Variants in BRAF observed in about 807,000 individuals in gnomAD.
The protein encoded by BRAF is serine/threonine-protein kinase B-raf.
Under a neutral mutation model 104.6 loss-of-function variants are expected in BRAF, and 16 were observed. The ratio of observed to expected loss-of-function variants is 0.15; its 90% CI spans 0.10 to 0.23. The LOEUF (loss-of-function observed/expected upper bound fraction) is 0.23. BRAF is among the 10% of genes least tolerant of loss of function. BRAF has a pLI of 1.00. For synonymous variants in BRAF, 310 were observed against 341.6 expected (o/e 0.91, Z 1.02); for missense variants, 541 against 937.3 (o/e 0.58, Z 5.52).
chr7:140,851,555 T>A (rs1245807004), intron 1 of BRAF, among the ~76,000 whole-genome samples: 1 of 152,226 alleles, frequency 6.6e-6, no homozygotes, highest in African/African-American at 2.4e-5. Context: ...TCTGAACTGC[T>A]TTTCAGAGTA....
intron 2 of BRAF, chr7:140,836,347 T>C (rs1294307999): frequency 6.6e-6 from 1 of 152,074 alleles, no homozygotes; most frequent in East Asian, 1.9e-4. Flanking sequence ...AGAGAGTATA[T>C]ACGCCATGCT....
intron 1 of BRAF, chr7:140,884,242 G>A (rs576072551): frequency 1.8e-4 from 27 of 151,642 alleles, no homozygotes; most frequent in East Asian, 5.8e-4. Flanking sequence ...CAACACACTC[G>A]TTATATAAAA....
chr7:140,719,915 TGA>T lies in BRAF; in HGVS notation c.*6577_*6578del. On this transcript the variant is annotated 3_prime_UTR_variant, in exon 20 of 20. Transcript: ENST00000644969. ...GTAACAGAAAAGAGGAATGTGTGTG[TGA>T]GTCGCCATAAGGTTTGGAGTGGTGA... 1.9e-6 allele frequency: 2 copies of T among 1,062,360 alleles called. No homozygotes were observed. Among genetic ancestry groups the T allele is most frequent in the Non-Finnish European group, 2.3e-6 (2 of 877,448 alleles). The allele number at this position is 1,062,360 out of a possible 1,614,324, so 65.8% of individuals were successfully genotyped here. A position where few individuals can be genotyped will look rare whatever the true frequency, so the allele number is the denominator to read the frequency against.
At chr7:140,877,683 T>C (rs1164308240) in intron 1 of BRAF, among the ~76,000 whole-genome samples, 1 of 152,084 alleles carries the variant, frequency 6.6e-6, no homozygotes, top group Admixed American at 6.5e-5. Context: ...CAGACTCCCC[T>C]ACACACAGAC....
rs777095615 is a variant in BRAF, at chr7:140,724,310, C to T, written c.*2184G>A. On this transcript the variant is annotated 3_prime_UTR_variant, in exon 20 of 20. Transcript: ENST00000644969. Reference sequence around the variant, plus strand: ...GTTCAAGCCCAGGTCTCTCTACCTGCGGAAACTTGAAGCCAATCTTGGTAA... The same window carrying T: ...GTTCAAGCCCAGGTCTCTCTACCTGTGGAAACTTGAAGCCAATCTTGGTAA... 2.3e-4 allele frequency: 245 copies of T among 1,056,056 alleles called. No homozygotes were observed. The highest frequency in any genetic ancestry group is 2.7e-4 in the Non-Finnish European group (236 of 873,672). 65.4% of individuals were successfully genotyped at this position (1,056,056 alleles called of 1,614,324 possible).
At chr7:140,752,463 C>T (rs1797868469) in intron 16 of BRAF, among the ~76,000 whole-genome samples, 1 of 152,212 alleles carries the variant, frequency 6.6e-6, no homozygotes, top group African/African-American at 2.4e-5. Context: ...AAGGGAAGAT[C>T]TTGTGGACCC....
At chr7:140,729,193 C>T (rs137975946) in intron 19 of BRAF, among the ~76,000 whole-genome samples, 1,533 of 152,034 alleles carry the variant, frequency 0.01, 12 homozygotes, top group Middle Eastern at 0.017. Flanking sequence ...CAGGATTGTA[C>T]CACTGCACTC....
In BRAF at chr7:140,897,494, T is replaced by G. The variant is rs1195409663; in HGVS notation, c.138+27072A>C. Among the ~76,000 whole-genome samples, 181 of 74,104 alleles carry G rather than the reference T, an allele frequency of 2.4e-3. No homozygotes were observed. The African/African-American group carries it at 0.034, about 14-fold the overall frequency. 48.6% of individuals were successfully genotyped at this position (74,104 alleles called of 152,430 possible). On this transcript the variant is annotated intron_variant, in intron 1 of 19. Coordinates refer to ENST00000644969, the MANE Select transcript of BRAF (RefSeq NM_001374258.1). ...CTGGATAGGAAAGATTTCTTTTTTC[T>G]TTTTTTTTTTTTTTTTTTTTGAGAC...
chr7:140,911,004 G>A (rs2129139637), intron 1 of BRAF, among the ~76,000 whole-genome samples: 1 of 152,224 alleles, frequency 6.6e-6, no homozygotes, highest in South Asian at 2.1e-4. Flanking sequence ...TCAGTGCTGT[G>A]TAAATCAACA....
chr7:140,723,013 T>C lies in BRAF; in HGVS notation c.*3481A>G. On this transcript the variant is annotated 3_prime_UTR_variant, in exon 20 of 20. Coordinates refer to ENST00000644969, the MANE Select transcript of BRAF (RefSeq NM_001374258.1). Reference sequence around the variant, plus strand: ...AAGTTAAAATCTTAAATCATCGTCATGTTCTAGAGCTCCTGACTTTTCATA... The same window carrying C: ...AAGTTAAAATCTTAAATCATCGTCACGTTCTAGAGCTCCTGACTTTTCATA... The C allele has an allele frequency of 1.5e-5, 16 of 1,053,114 alleles. No individual in the cohort carries two copies. The highest frequency in any genetic ancestry group is 1.8e-5 in the Non-Finnish European group (16 of 871,754). 65.2% of individuals were successfully genotyped at this position (1,053,114 alleles called of 1,614,324 possible). A position where few individuals can be genotyped will look rare whatever the true frequency, so the allele number is the denominator to read the frequency against.
intron 14 of BRAF, among the ~76,000 whole-genome samples, chr7:140,767,250 C>T (rs550736112): frequency 2.0e-5 from 3 of 152,176 alleles, no homozygotes; most frequent in South Asian, 2.1e-4. Flanking sequence ...GCAATCCACC[C>T]GCCTCAGCTT....
At chr7:140,862,197 C>G (rs1308875675) in intron 1 of BRAF, among the ~76,000 whole-genome samples, 1 of 151,922 alleles carries the variant, frequency 6.6e-6, no homozygotes, top group Non-Finnish European at 1.5e-5. Flanking sequence ...AATAAATGGG[C>G]AAGGAGAAAA....
chr7:140,887,508 A>G (rs1205780273), intron 1 of BRAF, among the ~76,000 whole-genome samples: 1 of 151,844 alleles, frequency 6.6e-6, no homozygotes, highest in African/African-American at 2.4e-5. Context: ...CAGTTCAGAG[A>G]GCTAAAATTA....
At position 140,770,072 on chromosome 7, in the gene BRAF, T is replaced by C. The variant is rs146583342; in HGVS notation, c.1814+6840A>G. ...CTCTAATCCTATGAACATTTGATCTTATCAGAACTCAGGCATTTTGCCAAT... is the reference window on the plus strand; with the variant it reads ...CTCTAATCCTATGAACATTTGATCTCATCAGAACTCAGGCATTTTGCCAAT... On this transcript the variant is annotated intron_variant, in intron 14 of 19. Transcript: ENST00000644969. Among the ~76,000 whole-genome samples, 1,163 of 152,332 alleles carry C rather than the reference T, an allele frequency of 7.6e-3. 18 individuals carry two copies. The highest frequency in any genetic ancestry group is 0.026 in the African/African-American group (1,099 of 41,568).
chr7:140,918,944 C>T (rs555790807), intron 1 of BRAF, among the ~76,000 whole-genome samples: 1 of 152,194 alleles, frequency 6.6e-6, no homozygotes, highest in Admixed American at 6.5e-5. Flanking sequence ...TTGAGACCAT[C>T]CTGGCCAACA....
At chr7:140,763,942 T>C (rs1301205488) in intron 14 of BRAF, among the ~76,000 whole-genome samples, 1 of 152,210 alleles carries the variant, frequency 6.6e-6, no homozygotes, top group African/African-American at 2.4e-5. Flanking sequence ...CCCTAACTCA[T>C]TTTATGAGGC....
At chr7:140,733,865 G>A (rs1294615915) in intron 19 of BRAF, 7 of 471,472 alleles carry the variant, frequency 1.5e-5, no homozygotes, top group Middle Eastern at 1.1e-3. Flanking sequence ...CTACATGAGC[G>A]AGACATCCTT....
At chr7:140,897,908 G>C (rs1469762918) in intron 1 of BRAF, among the ~76,000 whole-genome samples, 1 of 152,142 alleles carries the variant, frequency 6.6e-6, no homozygotes, top group East Asian at 1.9e-4. Context: ...GTCTTTATAA[G>C]GAAAGGCTAG....
intron 3 of BRAF, among the ~76,000 whole-genome samples, chr7:140,827,457 G>T (rs190995419): frequency 6.0e-4 from 91 of 152,282 alleles, no homozygotes; most frequent in Admixed American, 5.9e-3. Context: ...ACAATGATGA[G>T]AATAGGTCCA....
Sources: allele counts gnomAD v4.1 joint callset (sites outside exome capture counted in the v4.1 genomes callset), GRCh38; gene constraint gnomAD v4.1.1; transcripts MANE v1.5; gene names NCBI Gene and HGNC (gene_info 2026-07-23, HGNC 2026-07-21).